SH2B3: variants seen among roughly 807,000 people sequenced by gnomAD.
SH2B3 encodes the protein SH2B adaptor protein 3.
Under a neutral mutation model 51.9 loss-of-function variants are expected in SH2B3, and 43 were observed. The ratio of observed to expected loss-of-function variants is 0.83; its 90% CI spans 0.65 to 1.07. SH2B3 has a LOEUF of 1.07. Ranked by LOEUF, SH2B3 falls within the 50% of genes least tolerant of loss-of-function variation. The pLI, the probability that SH2B3 is intolerant of heterozygous loss-of-function variation, is 0.00. For missense variants in SH2B3, 952 were observed against 834.3 expected, an observed-to-expected ratio of 1.14 and a Z score of -1.74; for synonymous variants, 396 against 376.0, an observed-to-expected ratio of 1.05 and a Z score of -0.62.
In SH2B3 at chr12:111,447,118, C is replaced by A. The variant is rs529782050; in HGVS notation, c.927-7C>A. 6.2e-7 allele frequency: 1 copy of A among 1,613,372 alleles called. No homozygotes were observed. Among genetic ancestry groups the A allele is most frequent in the South Asian group, 1.1e-5 (1 of 91,036 alleles). ...CAGATCCTTAACCTCAGCCTCTTCT[C>A]CAGCAGGCTGGAGAGCACAGAAGCA... On this transcript the variant is annotated splice_region_variant and splice_polypyrimidine_tract_variant and intron_variant, in intron 4 of 7. Coordinates refer to ENST00000341259, the MANE Select transcript of SH2B3 (RefSeq NM_005475.3).
rs764059331 is a variant in SH2B3 at position 111,418,163 on chromosome 12, G to C, written c.18G>C (p.Leu6=). 10 of 1,535,468 alleles carry C rather than the reference G, an allele frequency of 6.5e-6. No homozygotes were observed. Among genetic ancestry groups the C allele is most frequent in the Non-Finnish European group, 8.7e-6 (10 of 1,155,446 alleles). Residue 6 remains leucine, a synonymous_variant, in exon 2 of 8, where the codon CTG becomes CTC. Coordinates refer to ENST00000341259, the MANE Select transcript of SH2B3 (RefSeq NM_005475.3). This position sits in a 1 kb window ranked among gnomAD's most constrained non-coding sequence, Gnocchi z 6.7. MNGPA[L]QPSSPSSAPS... is the part of the protein sequence containing the mutation. ...TCTCCGCCATGAACGGGCCTGCCCTGCAGCCCTCCTCGCCCTCTTCCGCGC... is the reference window on the plus strand; with the variant it reads ...TCTCCGCCATGAACGGGCCTGCCCTCCAGCCCTCCTCGCCCTCTTCCGCGC...
At position 111,451,212 on chromosome 12, in the gene SH2B3, T is replaced by A. The variant is rs1420467989; in HGVS notation, c.*2910T>A. The stretch of plus-strand genomic sequence containing the variant: ...ATTTCTGGACCGTAGGAAAAAGGAA[T>A]AGCAATCATTAAAATCTTGGGCCAG... On this transcript the variant is annotated 3_prime_UTR_variant, in exon 8 of 8. Transcript: ENST00000341259. The A allele has an allele frequency of 6.5e-6, 1 of 152,702 alleles. No individual in the cohort carries two copies. Among genetic ancestry groups the A allele is most frequent in the Non-Finnish European group, 1.5e-5 (1 of 68,062 alleles). The allele number at this position is 152,702 out of a possible 1,614,324, so 9.5% of individuals were successfully genotyped here. A position where few individuals can be genotyped will look rare whatever the true frequency, so the allele number is the denominator to read the frequency against.
chr12:111,410,029 G>A lies in SH2B3; in HGVS notation c.-28+3752G>A, dbSNP rs950501072. 7.2e-5 allele frequency among the ~76,000 whole-genome samples: 11 copies of A among 152,316 alleles called. No individual in the cohort carries two copies. The East Asian group carries it at 2.1e-3, about 29-fold the overall frequency. On this transcript the variant is annotated intron_variant, in intron 1 of 7. Coordinates refer to ENST00000341259, the MANE Select transcript of SH2B3 (RefSeq NM_005475.3). The surrounding 1 kb of genome is among the most constrained non-coding windows in gnomAD (Gnocchi z 4.9). Reference sequence around the variant, plus strand: ...CTTGTGAGCCAGGCCTGGAGCCCCTGGGGGCCCACCCGGATGTGGCTACCC... The same window carrying A: ...CTTGTGAGCCAGGCCTGGAGCCCCTAGGGGCCCACCCGGATGTGGCTACCC...
In SH2B3 at chr12:111,410,125, G is replaced by T. The variant is rs1322553532; in HGVS notation, c.-28+3848G>T. On this transcript the variant is annotated intron_variant, in intron 1 of 7. Coordinates refer to ENST00000341259, the MANE Select transcript of SH2B3 (RefSeq NM_005475.3). This position sits in a 1 kb window ranked among gnomAD's most constrained non-coding sequence, Gnocchi z 4.9. ...CCCAGGGAGGCCTGGGAGGAAGGAA[G>T]TCTATGCCCTCCTCACAGGGGCTGA... Among the ~76,000 whole-genome samples the T allele has an allele frequency of 6.6e-6, 1 of 152,222 alleles. No homozygotes were observed. The highest frequency in any genetic ancestry group is 1.9e-4 in the East Asian group (1 of 5,192).
chr12:111,418,256 G>C lies in SH2B3; in HGVS notation c.111G>C (p.Ala37=), dbSNP rs756441267. The change falls in exon 2 of 8, where the codon GCG becomes GCC. Residue 37 remains alanine, a synonymous_variant. Transcript: ENST00000341259. This position sits in a 1 kb window ranked among gnomAD's most constrained non-coding sequence, Gnocchi z 6.7. ...TCTGTGAGTTGCACGCCGTAGCGGC[G>C]GCCCGGGAGCTGGCCCGCCAGTACT... The part of the protein sequence containing the change: ...SEFCELHAVA[A]ARELARQYWL... The C allele has an allele frequency of 1.3e-6, 2 of 1,533,750 alleles. No homozygotes were observed. The highest frequency in any genetic ancestry group is 1.7e-6 in the Non-Finnish European group (2 of 1,146,656).
chr12:111,422,826 C>T (rs1871664188), intron 2 of SH2B3, among the ~76,000 whole-genome samples: 1 of 152,036 alleles, frequency 6.6e-6, no homozygotes, highest in Non-Finnish European at 1.5e-5. Flanking sequence ...TCCCAAAGTA[C>T]TGGGATTACA....
In SH2B3 at chr12:111,448,311, G is replaced by A. The variant is rs1481812093; in HGVS notation, c.*9G>A. Reference sequence around the variant, plus strand: ...AGTACACACCTCTCTGACCAGTGAGGAATTCCAGGCCTCAACAGCTGCCCT... The same window carrying A: ...AGTACACACCTCTCTGACCAGTGAGAAATTCCAGGCCTCAACAGCTGCCCT... On this transcript the variant is annotated 3_prime_UTR_variant, in exon 8 of 8. Coordinates refer to ENST00000341259, the MANE Select transcript of SH2B3 (RefSeq NM_005475.3). The A allele has an allele frequency of 6.3e-7, 1 of 1,586,204 alleles. No individual in the cohort carries two copies. Among genetic ancestry groups the A allele is most frequent in the East Asian group, 2.3e-5 (1 of 44,280 alleles).
At position 111,448,652 on chromosome 12, in the gene SH2B3, C is replaced by T. The variant is rs911402256; in HGVS notation, c.*350C>T. The T allele has an allele frequency of 4.1e-6, 1 of 245,746 alleles. No individual in the cohort carries two copies. Among genetic ancestry groups the T allele is most frequent in the Non-Finnish European group, 8.0e-6 (1 of 125,172 alleles). 15.2% of individuals were successfully genotyped at this position (245,746 alleles called of 1,614,324 possible). The stretch of plus-strand genomic sequence containing the variant: ...GGAAACTTGTTCTCTTTTTCACTGA[C>T]ACTGTCACAGCGGATGACAGACTTT... On this transcript the variant is annotated 3_prime_UTR_variant, in exon 8 of 8. Coordinates refer to ENST00000341259, the MANE Select transcript of SH2B3 (RefSeq NM_005475.3).
rs1016502279 is a variant in SH2B3 at position 111,410,364 on chromosome 12, G to A, written c.-28+4087G>A. Reference sequence around the variant, plus strand: ...CGCATGTCCCTCCTGATGTCCCCAAGTAGCACGTGGGGAGGAGGTTCACCC... The same window carrying A: ...CGCATGTCCCTCCTGATGTCCCCAAATAGCACGTGGGGAGGAGGTTCACCC... On this transcript the variant is annotated intron_variant, in intron 1 of 7. Coordinates refer to ENST00000341259, the MANE Select transcript of SH2B3 (RefSeq NM_005475.3). The surrounding 1 kb of genome is among the most constrained non-coding windows in gnomAD (Gnocchi z 4.9). 1.3e-5 allele frequency among the ~76,000 whole-genome samples: 2 copies of A among 152,186 alleles called. No individual in the cohort carries two copies. Among genetic ancestry groups the A allele is most frequent in the Non-Finnish European group, 2.9e-5 (2 of 68,000 alleles).
Position 111,448,099 on chromosome 12 carries a change from G to C in SH2B3, c.1525G>C (p.Gly509Arg), listed in dbSNP as rs745598295. 1.9e-6 allele frequency: 3 copies of C among 1,613,942 alleles called. No individual in the cohort carries two copies. In the Admixed American group the frequency reaches 5.0e-5, roughly 27 times the overall value. ...PHLSSSGCPR[G>R]LSPEGLPGRS... is the part of the protein sequence containing the mutation. ...CCTTAGTTCTTCTGGCTGTCCCCGGGGGCTCAGCCCAGAGGGTCTCCCAGG... is the reference window on the plus strand; with the variant it reads ...CCTTAGTTCTTCTGGCTGTCCCCGGCGGCTCAGCCCAGAGGGTCTCCCAGG... Residue 509 changes from glycine to arginine, a missense_variant, in exon 8 of 8, where the codon GGG becomes CGG. Physicochemically the swap from Gly to Arg is moderately radical, Grantham distance 125. Coordinates refer to ENST00000341259, the MANE Select transcript of SH2B3 (RefSeq NM_005475.3).
chr12:111,444,469 G>A (rs1873734086), intron 2 of SH2B3, among the ~76,000 whole-genome samples: 2 of 152,244 alleles, frequency 1.3e-5, no homozygotes, highest in South Asian at 4.1e-4. Context: ...AGGATGTGGT[G>A]GGTGACAGTC....
At chr12:111,434,101 C>T (rs910966101) in intron 2 of SH2B3, among the ~76,000 whole-genome samples, 17 of 152,192 alleles carry the variant, frequency 1.1e-4, no homozygotes, top group Admixed American at 2.6e-4. Flanking sequence ...CCTTTGCCAC[C>T]TTCTGGATGA....
chr12:111,433,579 G>A (rs1251596851), intron 2 of SH2B3, among the ~76,000 whole-genome samples: 1 of 151,938 alleles, frequency 6.6e-6, no homozygotes, highest in African/African-American at 2.4e-5. Context: ...TGTTTTAAAC[G>A]GGGTCTTGTT....
In SH2B3 at chr12:111,429,143, C is replaced by T. The variant is rs1040354060; in HGVS notation, c.732+10266C>T. Among the ~76,000 whole-genome samples the T allele has an allele frequency of 7.2e-5, 11 of 151,998 alleles. No individual in the cohort carries two copies. The highest frequency in any genetic ancestry group is 3.9e-4 in the East Asian group (2 of 5,172). ...CCCCTGCCCTTCTGAGCCTGTGACC[C>T]GGGGGAAGGCACTTTGCCCTCCCTG... is the stretch of plus-strand genomic sequence containing the variant. On this transcript the variant is annotated intron_variant, in intron 2 of 7. Transcript: ENST00000341259. The surrounding 1 kb of genome is among the most constrained non-coding windows in gnomAD (Gnocchi z 4.4).
At chr12:111,426,602 G>C (rs774411118) in intron 2 of SH2B3, among the ~76,000 whole-genome samples, 2 of 152,134 alleles carry the variant, frequency 1.3e-5, no homozygotes, top group African/African-American at 2.4e-5. Flanking sequence ...GAGAGACTTT[G>C]CTTCTGAGGG....
At chr12:111,411,549 C>T (rs534020207) in intron 1 of SH2B3, among the ~76,000 whole-genome samples, 1 of 152,228 alleles carries the variant, frequency 6.6e-6, no homozygotes, top group Admixed American at 6.5e-5. Flanking sequence ...TAAGGGGACC[C>T]CACAGCTCAG....
chr12:111,419,636 CAA>C (rs56699658), intron 2 of SH2B3, among the ~76,000 whole-genome samples: 4 of 130,322 alleles, frequency 3.1e-5, no homozygotes, highest in Admixed American at 1.6e-4. Flanking sequence ...GACTCTGTCT[CAA>C]AAAAAAAAAA....
At chr12:111,447,617 A>T in intron 6 of SH2B3, 39 bp from the exon 7 acceptor site, 1 of 1,610,304 alleles carries the variant, frequency 6.2e-7, no homozygotes, top group Non-Finnish European at 8.5e-7. Flanking sequence ...TCAGGGTCCT[A>T]GAGGGACAGC....
At chr12:111,447,241 C>CCATT in intron 5 of SH2B3, 22 bp downstream of exon 5, 3 of 1,597,892 alleles carry the variant, frequency 1.9e-6, no homozygotes, top group Non-Finnish European at 2.6e-6. Flanking sequence ...AATAGCTAGG[C>CCATT]CATTGTCTTC....
Sources: gnomAD v4.1 joint callset for allele counts (sites outside exome capture counted in the v4.1 genomes callset) on GRCh38, gnomAD v4.1.1 for gene constraint, Gnocchi (gnomAD v3.1) non-coding constraint, MANE v1.5 for transcripts, NCBI Gene and HGNC (gene_info 2026-07-23, HGNC 2026-07-21) for gene names.